The following RSRC1 variants were observed in gnomAD, a reference collection of about 807,000 sequenced individuals.
RSRC1 encodes serine/Arginine-related protein 53.
A neutral mutation model predicts 49.1 loss-of-function variants in RSRC1; 39 were observed. The ratio of observed to expected loss-of-function variants is 0.79; its 90% CI spans 0.61 to 1.04. The LOEUF (loss-of-function observed/expected upper bound fraction) is 1.04. RSRC1 is among the 50% of genes least tolerant of loss of function. The pLI, the probability that RSRC1 is intolerant of heterozygous loss-of-function variation, is 0.00. For missense variants in RSRC1, 388 were observed against 402.4 expected, an observed-to-expected ratio of 0.96 and a Z score of 0.31; for synonymous variants, 143 against 130.8, an observed-to-expected ratio of 1.09 and a Z score of -0.63.
At chr3:158,331,986 G>A (rs1559997185) in intron 5 of RSRC1, among the ~76,000 whole-genome samples, 2 of 151,562 alleles carry the variant, frequency 1.3e-5, no homozygotes, top group African/African-American at 2.4e-5. Flanking sequence ...TATTAATGTA[G>A]CAAATTTCAT....
At chr3:158,403,501 C>A in intron 6 of RSRC1, among the ~76,000 whole-genome samples, 1 of 151,558 alleles carries the variant, frequency 6.6e-6, no homozygotes, top group East Asian at 1.9e-4. Flanking sequence ...AAAGGATGTG[C>A]TCATTAATAT....
At chr3:158,287,114 C>G (rs1292747817) in intron 4 of RSRC1, among the ~76,000 whole-genome samples, 1 of 152,204 alleles carries the variant, frequency 6.6e-6, no homozygotes. Flanking sequence ...GCGTGAGTCA[C>G]TGCGCCTAGC....
intron 3 of RSRC1, among the ~76,000 whole-genome samples, chr3:158,192,940 C>T (rs917886592): frequency 2.6e-5 from 4 of 152,068 alleles, no homozygotes; most frequent in Non-Finnish European, 5.9e-5. Flanking sequence ...CTGTCAAAAT[C>T]AGAATGCTGC....
intron 7 of RSRC1, among the ~76,000 whole-genome samples, chr3:158,522,946 G>A (rs574058168): frequency 6.6e-6 from 1 of 152,106 alleles, no homozygotes; most frequent in East Asian, 1.9e-4. Context: ...CATCAACATT[G>A]TTTTTAGTCA....
chr3:158,203,199 G>A lies in RSRC1; in HGVS notation c.448G>A (p.Glu150Lys). 6.2e-7 allele frequency: 1 copy of A among 1,610,984 alleles called. No homozygotes were observed. ...KGRDKEKREK[E>K]KDKGKDKELH... ...CAGAGATAAAGAGAAAAGAGAAAAG[G>A]AGAAGGATAAAGGGAAGGACAAGGA... The change falls in exon 4 of 10, where the codon GAG becomes AAG. Residue 150 changes from glutamate (E) to lysine (K), a missense_variant. Coordinates refer to ENST00000611884, the MANE Select transcript of RSRC1 (RefSeq NM_001271838.2).
intron 6 of RSRC1, among the ~76,000 whole-genome samples, chr3:158,455,439 TC>T (rs756952739): frequency 3.3e-4 from 50 of 152,180 alleles, no homozygotes; most frequent in Admixed American, 1.1e-3. Flanking sequence ...ATAAAATACT[TC>T]CCCAAATCAT....
At chr3:158,114,035 A>G (rs1013685365) in intron 1 of RSRC1, among the ~76,000 whole-genome samples, 1 of 152,088 alleles carries the variant, frequency 6.6e-6, no homozygotes, top group Non-Finnish European at 1.5e-5. Context: ...TTTTGTTGCA[A>G]TTGCTTTTGA....
intron 3 of RSRC1, among the ~76,000 whole-genome samples, chr3:158,200,920 C>A (rs1468784472): frequency 1.3e-5 from 2 of 152,052 alleles, no homozygotes; most frequent in African/African-American, 4.8e-5. Context: ...GTTTTTGATA[C>A]TTACCCATTT....
intron 8 of RSRC1, 61 bp from the exon 9 acceptor site, chr3:158,543,273 AT>A (rs1009313885): frequency 5.1e-5 from 68 of 1,341,212 alleles, no homozygotes; most frequent in Middle Eastern, 1.9e-4. Context: ...AATCAGAAAT[AT>A]TTTTGAAGTA....
chr3:158,243,113 A>T (rs1271224323), intron 4 of RSRC1, among the ~76,000 whole-genome samples: 2 of 152,120 alleles, frequency 1.3e-5, no homozygotes, highest in Admixed American at 6.5e-5. Context: ...TTTGTCATGA[A>T]ATCTTTGCCC....
At chr3:158,413,694 C>T (rs1211925082) in intron 6 of RSRC1, among the ~76,000 whole-genome samples, 2 of 151,962 alleles carry the variant, frequency 1.3e-5, no homozygotes, top group East Asian at 3.9e-4. Context: ...ACAGATACTT[C>T]TCAAAAGAAG....
intron 6 of RSRC1, among the ~76,000 whole-genome samples, chr3:158,361,160 C>T (rs984476056): frequency 6.6e-6 from 1 of 152,150 alleles, no homozygotes; most frequent in African/African-American, 2.4e-5. Context: ...CTGGCGGTCA[C>T]CCAAATGTGG....
At chr3:158,413,192 G>A (rs116208997) in intron 6 of RSRC1, among the ~76,000 whole-genome samples, 2,528 of 151,856 alleles carry the variant, frequency 0.017, 58 homozygotes, top group African/African-American at 0.058. Flanking sequence ...GATCACATCT[G>A]CAACCATCTG....
intron 4 of RSRC1, among the ~76,000 whole-genome samples, chr3:158,222,826 T>C (rs1722301961): frequency 6.6e-6 from 1 of 151,634 alleles, no homozygotes; most frequent in Non-Finnish European, 1.5e-5. Flanking sequence ...CTGTGCTCTG[T>C]TCAACATCAG....
chr3:158,207,206 T>G (rs1405619018), intron 4 of RSRC1, among the ~76,000 whole-genome samples: 1 of 152,136 alleles, frequency 6.6e-6, no homozygotes, highest in East Asian at 1.9e-4. Context: ...TGAGATCAAG[T>G]GATATACTGT....
At chr3:158,534,371 A>G (rs1231870458) in intron 7 of RSRC1, among the ~76,000 whole-genome samples, 1 of 151,692 alleles carries the variant, frequency 6.6e-6, no homozygotes, top group Non-Finnish European at 1.5e-5. Context: ...CTGCTATAAA[A>G]ATTAGTTTGC....
At chr3:158,483,700 A>C (rs1260347117) in intron 7 of RSRC1, among the ~76,000 whole-genome samples, 2 of 152,092 alleles carry the variant, frequency 1.3e-5, no homozygotes, top group African/African-American at 4.8e-5. Context: ...TTAAAAAGAC[A>C]AATTTAAGTT....
chr3:158,311,007 A>C (rs1240944812), intron 5 of RSRC1, among the ~76,000 whole-genome samples: 1 of 151,884 alleles, frequency 6.6e-6, no homozygotes, highest in Non-Finnish European at 1.5e-5. Context: ...TGTGTATTTC[A>C]AGAAGAAATT....
intron 7 of RSRC1, among the ~76,000 whole-genome samples, chr3:158,498,544 C>G (rs186614832): frequency 1.8e-3 from 279 of 152,128 alleles, no homozygotes; most frequent in Non-Finnish European, 3.1e-3. Context: ...CTGACTGTTC[C>G]TTTTGCCATG....
Sources: allele counts gnomAD v4.1 joint callset (sites outside exome capture counted in the v4.1 genomes callset), GRCh38; gene constraint gnomAD v4.1.1; transcripts MANE v1.5; gene names NCBI Gene and HGNC (gene_info 2026-07-23, HGNC 2026-07-21).